The following LPAR3 variants were observed in gnomAD, a reference collection of about 807,000 sequenced individuals.
LPAR3 encodes LPA receptor 3.
Under a neutral mutation model 17.8 loss-of-function variants are expected in LPAR3, and 7 were observed. The observed-to-expected ratio is 0.39, with a 90% confidence interval of 0.22 to 0.74. The LOEUF (loss-of-function observed/expected upper bound fraction) is 0.74. Among genes scored for constraint, LPAR3 ranks in the 30% least tolerant of loss-of-function variants. The pLI is 0.40. For missense variants in LPAR3, 391 were observed against 453.4 expected (o/e 0.86, Z 1.25); for synonymous variants, 179 against 179.9 (o/e 0.99, Z 0.04).
intron 2 of LPAR3, among the ~76,000 whole-genome samples, chr1:84,815,034 C>T (rs574312431): frequency 6.6e-6 from 1 of 152,294 alleles, no homozygotes; most frequent in East Asian, 1.9e-4. Context: ...AACGACTCAT[C>T]TTTATACAGC....
At chr1:84,818,974 T>G (rs1040841983) in intron 2 of LPAR3, among the ~76,000 whole-genome samples, 1 of 152,220 alleles carries the variant, frequency 6.6e-6, no homozygotes, top group Non-Finnish European at 1.5e-5. Context: ...GATCTTTTAT[T>G]TTTTCATTTC....
chr1:84,866,531 C>G (rs1055875520), intron 1 of LPAR3, among the ~76,000 whole-genome samples: 1 of 152,178 alleles, frequency 6.6e-6, no homozygotes, highest in African/African-American at 2.4e-5. Flanking sequence ...CCTGCAATAT[C>G]CACTCTGCAC....
At chr1:84,879,310 T>TTTCTTC in intron 1 of LPAR3, among the ~76,000 whole-genome samples, 1 of 83,880 alleles carries the variant, frequency 1.2e-5, no homozygotes, top group Middle Eastern at 6.5e-3. Context: ...TTTTCTTTTC[T>TTTCTTC]TTTTTCTTTT....
chr1:84,891,549 A>G (rs1203413478), intron 1 of LPAR3, among the ~76,000 whole-genome samples: 1 of 152,226 alleles, frequency 6.6e-6, no homozygotes, highest in African/African-American at 2.4e-5. Flanking sequence ...TGTCCCAAAA[A>G]GAGGAAAACT....
intron 1 of LPAR3, among the ~76,000 whole-genome samples, chr1:84,878,331 A>C (rs1660295224): frequency 6.6e-6 from 1 of 151,868 alleles, no homozygotes; most frequent in Admixed American, 6.6e-5. Context: ...GTTTTTTCCC[A>C]ATCTCCTCAG....
At chr1:84,871,293 T>C (rs1256523653) in intron 1 of LPAR3, among the ~76,000 whole-genome samples, 1 of 152,232 alleles carries the variant, frequency 6.6e-6, no homozygotes, top group Non-Finnish European at 1.5e-5. Context: ...GAAAACTTCA[T>C]GAGCAAAGCT....
intron 1 of LPAR3, among the ~76,000 whole-genome samples, chr1:84,879,316 C>CTTTTTTCTTTTTTTT (rs1553149965): frequency 1.0e-3 from 124 of 120,578 alleles, no homozygotes; most frequent in South Asian, 1.3e-3. Flanking sequence ...TTTCTTTTTT[C>CTTTTTTCTTTTTTTT]TTTTTTTTTT....
chr1:84,874,343 C>T (rs1413359870), intron 1 of LPAR3, among the ~76,000 whole-genome samples: 2 of 152,138 alleles, frequency 1.3e-5, no homozygotes, highest in African/African-American at 2.4e-5. Context: ...GACCTTTAGG[C>T]AGGGAGGACA....
At chr1:84,889,027 G>A (rs1660507075) in intron 1 of LPAR3, among the ~76,000 whole-genome samples, 1 of 152,088 alleles carries the variant, frequency 6.6e-6, no homozygotes, top group African/African-American at 2.4e-5. Flanking sequence ...AATCATGGGA[G>A]TAGGGCAGTA....
chr1:84,848,517 C>T (rs1431982334), intron 2 of LPAR3, among the ~76,000 whole-genome samples: 1 of 152,184 alleles, frequency 6.6e-6, no homozygotes, highest in Non-Finnish European at 1.5e-5. Flanking sequence ...AGCTACCCTC[C>T]CTGAGCTGCA....
chr1:84,824,978 C>A (rs749809365), intron 2 of LPAR3, among the ~76,000 whole-genome samples: 9 of 152,182 alleles, frequency 5.9e-5, no homozygotes, highest in Non-Finnish European at 1.2e-4. Flanking sequence ...AATGAAGGAG[C>A]AAGGAGTCTT....
Position 84,865,981 on chromosome 1 carries a change from G to GA in LPAR3, c.139dup (p.Ser47PhefsTer2), listed in dbSNP as rs762083435. The stretch of plus-strand genomic sequence containing the variant: ...CACTGCCGCGATGACCAGAGAATTA[G>GA]AAAAAAAAATAAACAGGCAGAAAAA... On this transcript the variant is annotated frameshift_variant, in exon 2 of 3. Coordinates refer to ENST00000370611, the MANE Select transcript of LPAR3 (RefSeq NM_012152.3). LOFTEE classifies it high-confidence loss of function. 53 of 1,604,100 alleles carry GA rather than the reference G, an allele frequency of 3.3e-5. No individual in the cohort carries two copies. Among genetic ancestry groups the GA allele is most frequent in the Middle Eastern group, 1.7e-4 (1 of 6,040 alleles).
rs1206774677 is a variant in LPAR3 at position 84,813,158 on chromosome 1, T to TATATATAGAGAG, written c.*687_*688insCTCTCTATATAT. On this transcript the variant is annotated 3_prime_UTR_variant, in exon 3 of 3. Coordinates refer to ENST00000370611, the MANE Select transcript of LPAR3 (RefSeq NM_012152.3). ...ATATATATATATATATATATATATA[T>TATATATAGAGAG]AGACACACACACACACACACACACA... The TATATATAGAGAG allele has an allele frequency of 9.8e-6, 1 of 101,690 alleles. No homozygotes were observed. The highest frequency in any genetic ancestry group is 2.7e-4 in the East Asian group (1 of 3,672). The allele number at this position is 101,690 out of a possible 1,614,324, so 6.3% of individuals were successfully genotyped here. A position where few individuals can be genotyped will look rare whatever the true frequency, so the allele number is the denominator to read the frequency against.
At chr1:84,892,682 G>A (rs901191534) in intron 1 of LPAR3, among the ~76,000 whole-genome samples, 3 of 152,246 alleles carry the variant, frequency 2.0e-5, no homozygotes, top group Non-Finnish European at 4.4e-5. Flanking sequence ...AACCACGTGT[G>A]CAAAGGCAGA....
chr1:84,835,297 G>C (rs1347061782), intron 2 of LPAR3, among the ~76,000 whole-genome samples: 2 of 152,192 alleles, frequency 1.3e-5, no homozygotes, highest in Non-Finnish European at 2.9e-5. Context: ...GCCTGCAACT[G>C]CATGTCCCTT....
Position 84,813,755 on chromosome 1 carries a change from CA to C in LPAR3, c.*90del. 1 of 1,072,406 alleles carries C rather than the reference CA, an allele frequency of 9.3e-7. No homozygotes were observed. Among genetic ancestry groups the C allele is most frequent in the Non-Finnish European group, 1.3e-6 (1 of 745,746 alleles). The allele number at this position is 1,072,406 out of a possible 1,614,324, so 66.4% of individuals were successfully genotyped here. On this transcript the variant is annotated 3_prime_UTR_variant, in exon 3 of 3. Transcript: ENST00000370611. ...AGTGATTAATGGAGACCTCAAATAA[CA>C]CTGTACATGGGCTTTGTTAGAGACA... is the stretch of plus-strand genomic sequence containing the variant.
chr1:84,879,995 C>G (rs1660333632), intron 1 of LPAR3, among the ~76,000 whole-genome samples: 1 of 152,200 alleles, frequency 6.6e-6, no homozygotes, highest in African/African-American at 2.4e-5. Context: ...TTTAATTACT[C>G]TGATCTGATC....
intron 2 of LPAR3, 138 bp from the exon 3 acceptor site, chr1:84,814,309 C>T: frequency 3.0e-6 from 2 of 665,020 alleles, no homozygotes; most frequent in Non-Finnish European, 5.1e-6. Context: ...AAACTTCCAC[C>T]TACCATCTGA....
intron 1 of LPAR3, among the ~76,000 whole-genome samples, chr1:84,891,932 A>G (rs12041151): frequency 0.31 from 47,603 of 151,878 alleles, 7,842 homozygotes; most frequent in East Asian, 0.45. Flanking sequence ...AAACTGACCT[A>G]GCCGGGCGCA....
Sources: gnomAD v4.1 joint callset for allele counts (sites outside exome capture counted in the v4.1 genomes callset) on GRCh38, gnomAD v4.1.1 for gene constraint, MANE v1.5 for transcripts, NCBI Gene and HGNC (gene_info 2026-07-23, HGNC 2026-07-21) for gene names.